The following SFMBT1 variants were observed in gnomAD, a reference collection of about 807,000 sequenced individuals.
The protein encoded by SFMBT1 is scm-like with four MBT domains protein 1.
SFMBT1 carries 32 observed loss-of-function variants against 108.7 expected under a neutral mutation model. The observed-to-expected ratio is 0.29, with a 90% CI of 0.22 to 0.40. The LOEUF (loss-of-function observed/expected upper bound fraction) is 0.40. Ranked by LOEUF, SFMBT1 falls within the 10% of genes least tolerant of loss-of-function variation. The pLI is 1.00. For missense variants in SFMBT1, 816 were observed against 1,059.6 expected (o/e 0.77, Z 3.19); for synonymous variants, 348 against 369.5 (o/e 0.94, Z 0.67).
intron 2 of SFMBT1, among the ~76,000 whole-genome samples, chr3:52,959,850 TTTGTTGTTG>T (rs369557544): frequency 2.6e-5 from 4 of 151,722 alleles, no homozygotes; most frequent in Admixed American, 6.6e-5. Flanking sequence ...GGATGGTTGT[TTTGTTGTTG>T]TTGTTGTTGT....
At chr3:52,911,830 G>C (rs1433130083) in intron 16 of SFMBT1, among the ~76,000 whole-genome samples, 1 of 151,976 alleles carries the variant, frequency 6.6e-6, no homozygotes, top group Non-Finnish European at 1.5e-5. Flanking sequence ...CTCCCAAGTA[G>C]CTGGGATTAC....
intron 1 of SFMBT1, among the ~76,000 whole-genome samples, chr3:52,997,546 A>AG (rs1334281398): frequency 6.7e-6 from 1 of 150,206 alleles, no homozygotes; most frequent in African/African-American, 2.4e-5. Flanking sequence ...AAAAAAAAAA[A>AG]GAAAAGGAAT....
intron 2 of SFMBT1, among the ~76,000 whole-genome samples, chr3:52,958,304 A>T (rs1703846688): frequency 6.6e-6 from 1 of 152,218 alleles, no homozygotes; most frequent in Non-Finnish European, 1.5e-5. Context: ...AAAAGCCAAG[A>T]AACAGGCTGG....
At chr3:52,924,744 G>A (rs902573699) in intron 10 of SFMBT1, among the ~76,000 whole-genome samples, 1 of 152,144 alleles carries the variant, frequency 6.6e-6, no homozygotes, top group Non-Finnish European at 1.5e-5. Flanking sequence ...AGAGAGTGGA[G>A]GTTGCTAAGA....
chr3:52,930,535 T>C (rs982998087), intron 7 of SFMBT1, 105 bp from the exon 8 acceptor site: 4 of 676,566 alleles, frequency 5.9e-6, no homozygotes, highest in Non-Finnish European at 1.0e-5. Flanking sequence ...GTAAATCCTA[T>C]AGTTTTCTTC....
At chr3:52,948,825 A>ATTTTTTATTT (rs1703468897) in intron 3 of SFMBT1, among the ~76,000 whole-genome samples, 1 of 78,284 alleles carries the variant, frequency 1.3e-5, no homozygotes, top group African/African-American at 4.9e-5. Context: ...CTAATTTTTA[A>ATTTTTTATTT]TTTTTTTTTT....
chr3:52,934,357 G>C (rs1702942085), intron 5 of SFMBT1, among the ~76,000 whole-genome samples: 1 of 150,862 alleles, frequency 6.6e-6, no homozygotes, highest in Non-Finnish European at 1.5e-5. Context: ...AAGCTTAAAG[G>C]CCACACTAAT....
chr3:53,028,779 G>A (rs533001002), intron 1 of SFMBT1, among the ~76,000 whole-genome samples: 1 of 152,280 alleles, frequency 6.6e-6, no homozygotes, highest in Admixed American at 6.5e-5. Context: ...TCTAGCACTC[G>A]TGGCTGGGAA....
chr3:53,031,724 T>C (rs1432514611), intron 1 of SFMBT1, among the ~76,000 whole-genome samples: 1 of 152,142 alleles, frequency 6.6e-6, no homozygotes, highest in Non-Finnish European at 1.5e-5. Context: ...GCCATGGTGA[T>C]TAAAAGACAG....
At chr3:52,913,710 G>A (rs1006964485) in intron 14 of SFMBT1, 93 bp from the exon 15 acceptor site, 3 of 1,311,658 alleles carry the variant, frequency 2.3e-6, no homozygotes, top group East Asian at 2.4e-5. Flanking sequence ...CGAAGCACAT[G>A]TACCATTATA....
intron 3 of SFMBT1, among the ~76,000 whole-genome samples, chr3:52,950,720 C>T (rs1178800141): frequency 1.4e-4 from 22 of 152,272 alleles, no homozygotes; most frequent in South Asian, 6.2e-4. Context: ...GTGATCCACC[C>T]GCCATGGCCT....
intron 13 of SFMBT1, 46 bp downstream of exon 13, chr3:52,918,438 C>T (rs1481012414): frequency 1.4e-6 from 2 of 1,435,628 alleles, no homozygotes; most frequent in East Asian, 2.5e-5. Context: ...AGTTATTTTT[C>T]TAGATATTCT....
intron 1 of SFMBT1, among the ~76,000 whole-genome samples, chr3:53,013,773 C>T (rs1041289929): frequency 6.0e-5 from 9 of 151,108 alleles, no homozygotes; most frequent in South Asian, 2.1e-4. Context: ...GGATTACAGG[C>T]GCCCACCACC....
At chr3:53,033,921 T>C (rs995587804) in intron 1 of SFMBT1, among the ~76,000 whole-genome samples, 1 of 151,716 alleles carries the variant, frequency 6.6e-6, no homozygotes, top group African/African-American at 2.4e-5. Flanking sequence ...AATAAAAAAA[T>C]TAGCGGGGTG....
At chr3:52,978,807 TACA>T (rs1704610446) in intron 1 of SFMBT1, among the ~76,000 whole-genome samples, 1 of 152,162 alleles carries the variant, frequency 6.6e-6, no homozygotes, top group Admixed American at 6.5e-5. Context: ...GAATACATAC[TACA>T]ACAAGGATAA....
At chr3:52,998,000 C>T (rs72965340) in intron 1 of SFMBT1, among the ~76,000 whole-genome samples, 4,560 of 150,388 alleles carry the variant, frequency 0.03, 337 homozygotes, top group African/African-American at 0.1. Context: ...TTCTAATCAC[C>T]TTAGATGTAT....
intron 2 of SFMBT1, among the ~76,000 whole-genome samples, chr3:52,965,912 A>T (rs1704119766): frequency 6.9e-6 from 1 of 144,340 alleles, no homozygotes; most frequent in Non-Finnish European, 1.5e-5. Flanking sequence ...AGGCTGAGGC[A>T]GGAGAATGGC....
intron 4 of SFMBT1, among the ~76,000 whole-genome samples, chr3:52,935,885 C>T (rs950657562): frequency 6.6e-6 from 1 of 152,130 alleles, no homozygotes; most frequent in African/African-American, 2.4e-5. Flanking sequence ...TTTATTGAGA[C>T]CTGGCCTTTG....
In SFMBT1 at chr3:52,903,687, T is replaced by C. The variant is rs1005523196; in HGVS notation, c.*1449A>G. 2.6e-5 allele frequency: 4 copies of C among 152,172 alleles called. No individual in the cohort carries two copies. Among genetic ancestry groups the C allele is most frequent in the African/African-American group, 9.7e-5 (4 of 41,440 alleles). 9.4% of individuals were successfully genotyped at this position (152,172 alleles called of 1,614,324 possible). On this transcript the variant is annotated 3_prime_UTR_variant, in exon 21 of 21. Coordinates refer to ENST00000394752, the MANE Select transcript of SFMBT1 (RefSeq NM_016329.4). ...ATTGGGTTATAAATTTGCAGGTGAT[T>C]AGGATAAAAAAAATTCAGCAAAGCA...
Sources: gnomAD v4.1 joint callset for allele counts (sites outside exome capture counted in the v4.1 genomes callset) on GRCh38, gnomAD v4.1.1 for gene constraint, MANE v1.5 for transcripts, NCBI Gene and HGNC (gene_info 2026-07-23, HGNC 2026-07-21) for gene names.